COL23A1: variants seen among roughly 807,000 people sequenced by gnomAD.
The protein encoded by COL23A1 is collagen alpha-1(XXIII) chain.
In COL23A1, 97 loss-of-function variants were observed where a neutral mutation model predicts 99.3. The ratio of observed to expected loss-of-function variants is 0.98; its 90% CI spans 0.83 to 1.16. COL23A1 has a LOEUF of 1.16. Among genes scored for constraint, COL23A1 ranks in the 50% most tolerant of loss-of-function variants. COL23A1 has a pLI of 0.00. For synonymous variants in COL23A1, 320 were observed against 308.2 expected (o/e 1.04, Z -0.40); for missense variants, 762 against 757.4 (o/e 1.01, Z -0.07).
In COL23A1 at chr5:178,307,537, C is replaced by T. The variant is rs757627735; in HGVS notation, c.362-618G>A. ...TGTCCACGTCTGTCCTCCATCCGCG[C>T]GCTATAAGCCCTTCTGAATTTACGG... On this transcript the variant is annotated intron_variant, in intron 2 of 28. Transcript: ENST00000390654. This position sits in a 1 kb window ranked among gnomAD's most constrained non-coding sequence, Gnocchi z 4.2. Among the ~76,000 whole-genome samples the T allele has an allele frequency of 2.0e-5, 3 of 152,222 alleles. No homozygotes were observed. Among genetic ancestry groups the T allele is most frequent in the Admixed American group, 6.5e-5 (1 of 15,290 alleles).
intron 2 of COL23A1, among the ~76,000 whole-genome samples, chr5:178,473,038 G>A (rs933500120): frequency 3.0e-4 from 40 of 134,868 alleles, no homozygotes; most frequent in Middle Eastern, 3.6e-3. Context: ...CGAGAGGATC[G>A]CTTGAGCCCA....
intron 2 of COL23A1, among the ~76,000 whole-genome samples, chr5:178,344,278 G>A (rs1581188810): frequency 6.6e-6 from 1 of 152,176 alleles, no homozygotes; most frequent in African/African-American, 2.4e-5. Flanking sequence ...CCTAATCAAT[G>A]TAAATGCTAT....
At chr5:178,348,136 C>T (rs897180328) in intron 2 of COL23A1, among the ~76,000 whole-genome samples, 2 of 152,108 alleles carry the variant, frequency 1.3e-5, no homozygotes, top group South Asian at 4.2e-4. Context: ...TCCCATCCAG[C>T]TCCAGCTGCC....
At chr5:178,342,496 C>T (rs549969349) in intron 2 of COL23A1, among the ~76,000 whole-genome samples, 52 of 152,284 alleles carry the variant, frequency 3.4e-4, no homozygotes, top group African/African-American at 1.2e-3. Context: ...GTTTCCTGGG[C>T]GGAGACACAG....
At chr5:178,425,503 G>A (rs970236984) in intron 2 of COL23A1, among the ~76,000 whole-genome samples, 3 of 151,936 alleles carry the variant, frequency 2.0e-5, no homozygotes, top group Non-Finnish European at 4.4e-5. Context: ...TGTTTCCCGC[G>A]CTCACCTCTG....
chr5:178,437,839 A>ACG (rs1237578355), intron 2 of COL23A1, among the ~76,000 whole-genome samples: 2 of 152,248 alleles, frequency 1.3e-5, no homozygotes, highest in East Asian at 3.9e-4. Context: ...TGCTTGTGGG[A>ACG]CGGGACCCAG....
In COL23A1 at chr5:178,539,925, G is replaced by A. The variant is rs183838323; in HGVS notation, c.361+20757C>T. On this transcript the variant is annotated intron_variant, in intron 2 of 28. Transcript: ENST00000390654. ...AAATAATATATCCCATCCAACTGGC[G>A]TTTATTCCAGGAATGCAAGCGTGGT... Among the ~76,000 whole-genome samples the A allele has an allele frequency of 1.9e-3, 283 of 152,262 alleles. 1 individual carries two copies. Among genetic ancestry groups the A allele is most frequent in the African/African-American group, 6.3e-3 (263 of 41,538 alleles).
At chr5:178,394,392 G>GC (rs112772311) in intron 2 of COL23A1, among the ~76,000 whole-genome samples, 9,059 of 152,258 alleles carry the variant, frequency 0.059, 867 homozygotes, top group African/African-American at 0.2. Flanking sequence ...AGGGCCTGCA[G>GC]CCCCACCCCA....
intron 5 of COL23A1, among the ~76,000 whole-genome samples, chr5:178,285,076 T>C (rs537415354): frequency 1.2e-3 from 176 of 152,338 alleles, no homozygotes; most frequent in Non-Finnish European, 7.3e-5. Context: ...CCAGCCTCTG[T>C]ACACGGAGGG....
chr5:178,548,788 G>A (rs958479721), intron 2 of COL23A1, among the ~76,000 whole-genome samples: 3 of 152,020 alleles, frequency 2.0e-5, no homozygotes, highest in Admixed American at 6.6e-5. Context: ...CAAACTTAAG[G>A]TGGCATTTGC....
At chr5:178,482,377 A>G (rs1306113431) in intron 2 of COL23A1, among the ~76,000 whole-genome samples, 1 of 152,156 alleles carries the variant, frequency 6.6e-6, no homozygotes, top group East Asian at 1.9e-4. Context: ...CAGATATTTT[A>G]TGATTCCTTT....
intron 12 of COL23A1, among the ~76,000 whole-genome samples, chr5:178,258,518 C>T (rs1434592553): frequency 4.1e-5 from 6 of 147,920 alleles, no homozygotes; most frequent in Non-Finnish European, 8.9e-5. Context: ...GTCTCAGCAT[C>T]CCAAGTAGCT....
At chr5:178,454,664 C>G (rs1483489276) in intron 2 of COL23A1, among the ~76,000 whole-genome samples, 1 of 152,218 alleles carries the variant, frequency 6.6e-6, no homozygotes, top group Non-Finnish European at 1.5e-5. Flanking sequence ...TCCCTATCTC[C>G]CAACACACAA....
chr5:178,363,256 C>T (rs970709129), intron 2 of COL23A1, among the ~76,000 whole-genome samples: 6 of 151,960 alleles, frequency 3.9e-5, no homozygotes, highest in African/African-American at 1.2e-4. Context: ...TAATTCTGGC[C>T]TCTCCTATAG....
At chr5:178,403,897 A>C (rs1764607615) in intron 2 of COL23A1, among the ~76,000 whole-genome samples, 1 of 152,264 alleles carries the variant, frequency 6.6e-6, no homozygotes, top group South Asian at 2.1e-4. Flanking sequence ...TGAGGCCCCC[A>C]TCATGGCCTC....
intron 2 of COL23A1, among the ~76,000 whole-genome samples, chr5:178,448,053 G>T (rs978134111): frequency 6.6e-6 from 1 of 152,210 alleles, no homozygotes; most frequent in African/African-American, 2.4e-5. Context: ...TGAGAGGTGG[G>T]GGTGCTTAGA....
chr5:178,370,232 C>A (rs189644069), intron 2 of COL23A1, among the ~76,000 whole-genome samples: 1 of 152,170 alleles, frequency 6.6e-6, no homozygotes, highest in Non-Finnish European at 1.5e-5. Context: ...AAAGCCAGGC[C>A]GCTGGCCTGC....
intron 2 of COL23A1, among the ~76,000 whole-genome samples, chr5:178,455,379 C>T (rs530551739): frequency 3.3e-4 from 50 of 152,320 alleles, no homozygotes; most frequent in Middle Eastern, 3.4e-3. Flanking sequence ...CCGCCTGACC[C>T]TGGCATCGGC....
intron 1 of COL23A1, among the ~76,000 whole-genome samples, chr5:178,574,058 C>A (rs1376462803): frequency 6.6e-6 from 1 of 152,124 alleles, no homozygotes; most frequent in Non-Finnish European, 1.5e-5. Flanking sequence ...AGGGTTTCAC[C>A]ATGTTGACCA....
Sources: allele counts gnomAD v4.1 joint callset (sites outside exome capture counted in the v4.1 genomes callset), GRCh38; gene constraint gnomAD v4.1.1; non-coding constraint Gnocchi (gnomAD v3.1); transcripts MANE v1.5; gene names NCBI Gene and HGNC (gene_info 2026-07-23, HGNC 2026-07-21).